The following SCFD2 variants were observed in gnomAD, a reference collection of about 807,000 sequenced individuals.
The protein encoded by SCFD2 is sec1 family domain-containing protein 2.
Under a neutral mutation model 58.9 loss-of-function variants are expected in SCFD2, and 54 were observed. That is an observed-to-expected ratio of 0.92 (90% CI 0.74 to 1.15). SCFD2 has a LOEUF of 1.15. SCFD2 is among the 50% of genes most tolerant of loss of function. The pLI is 0.00. For missense variants in SCFD2, 805 were observed against 836.6 expected (o/e 0.96, Z 0.47); for synonymous variants, 321 against 335.9 (o/e 0.96, Z 0.49).
intron 6 of SCFD2, 84 bp downstream of exon 6, chr4:52,920,641 T>C: frequency 9.6e-7 from 1 of 1,044,468 alleles, no homozygotes; most frequent in Non-Finnish European, 1.3e-6. Flanking sequence ...TTTAGGAAGG[T>C]TAAAAGGGAA....
intron 6 of SCFD2, among the ~76,000 whole-genome samples, 179 bp downstream of exon 6, chr4:52,920,546 T>A (rs964393716): frequency 1.1e-4 from 17 of 152,134 alleles, no homozygotes; most frequent in Admixed American, 3.3e-4. Context: ...GGGGCATAAA[T>A]GAATTGAGAG....
At chr4:53,141,234 A>G (rs1341043972) in intron 5 of SCFD2, among the ~76,000 whole-genome samples, 1 of 152,242 alleles carries the variant, frequency 6.6e-6, no homozygotes, top group Non-Finnish European at 1.5e-5. Context: ...ACACTCAGGT[A>G]TACTAATGAC....
intron 4 of SCFD2, among the ~76,000 whole-genome samples, chr4:53,176,969 G>GA (rs1727357558): frequency 6.8e-6 from 1 of 147,096 alleles, no homozygotes; most frequent in South Asian, 2.2e-4. Flanking sequence ...AAAAAAGAAA[G>GA]AAAAAAAAGA....
rs549894556 is a variant in SCFD2, at chr4:53,053,803, A to T, written c.1561+91530T>A. 9.8e-5 allele frequency among the ~76,000 whole-genome samples: 15 copies of T among 152,314 alleles called. No homozygotes were observed. The South Asian group carries it at 1.2e-3, about 13-fold the overall frequency. ...TTCCCTTCTATTTTCTTTTTAAAAA[A>T]TTTTAAATTAATACATAGTAGATGT... On this transcript the variant is annotated intron_variant, in intron 5 of 8. Coordinates refer to ENST00000401642, the MANE Select transcript of SCFD2 (RefSeq NM_152540.4).
chr4:53,251,684 C>A (rs535637498), intron 4 of SCFD2, among the ~76,000 whole-genome samples: 7 of 151,758 alleles, frequency 4.6e-5, no homozygotes, highest in Non-Finnish European at 7.4e-5. Flanking sequence ...AATTCAACAA[C>A]CCTTCATGCT....
chr4:53,112,191 A>G (rs1725191541), intron 5 of SCFD2, among the ~76,000 whole-genome samples: 1 of 152,138 alleles, frequency 6.6e-6, no homozygotes, highest in South Asian at 2.1e-4. Flanking sequence ...TGTCACTCAA[A>G]TGAAGCTTGA....
chr4:53,147,383 G>C (rs1443602171), intron 4 of SCFD2, among the ~76,000 whole-genome samples: 3 of 152,064 alleles, frequency 2.0e-5, no homozygotes, highest in Non-Finnish European at 4.4e-5. Context: ...GGAAAAATTT[G>C]GATAGATCAT....
At chr4:52,988,488 A>G (rs1721548290) in intron 5 of SCFD2, among the ~76,000 whole-genome samples, 1 of 152,182 alleles carries the variant, frequency 6.6e-6, no homozygotes, top group South Asian at 2.1e-4. Flanking sequence ...AAAGGCTTTA[A>G]GTTTGAGTGA....
intron 5 of SCFD2, among the ~76,000 whole-genome samples, chr4:52,954,580 C>A (rs1332326601): frequency 6.6e-6 from 1 of 152,128 alleles, no homozygotes; most frequent in African/African-American, 2.4e-5. Context: ...GCCACCTAAT[C>A]CACATGGGCA....
intron 5 of SCFD2, among the ~76,000 whole-genome samples, chr4:53,010,644 T>C (rs1476451452): frequency 6.6e-6 from 1 of 152,204 alleles, no homozygotes; most frequent in Non-Finnish European, 1.5e-5. Context: ...CTGAAACGAA[T>C]AAATCATTGA....
chr4:53,095,202 C>A (rs1289102088), intron 5 of SCFD2, among the ~76,000 whole-genome samples: 1 of 151,962 alleles, frequency 6.6e-6, no homozygotes, highest in East Asian at 1.9e-4. Flanking sequence ...TGCATTTTTG[C>A]CTTGGATGTT....
At chr4:52,936,413 C>G (rs931178949) in intron 5 of SCFD2, among the ~76,000 whole-genome samples, 1 of 152,128 alleles carries the variant, frequency 6.6e-6, no homozygotes, top group African/African-American at 2.4e-5. Context: ...GGGAAAAAAC[C>G]TGATATATTG....
chr4:53,285,080 G>C (rs574691311), intron 3 of SCFD2, among the ~76,000 whole-genome samples: 2 of 152,132 alleles, frequency 1.3e-5, no homozygotes, highest in South Asian at 2.1e-4. Flanking sequence ...CTATTTCAAG[G>C]CTACCATGGA....
intron 2 of SCFD2, among the ~76,000 whole-genome samples, chr4:53,328,543 TA>T (rs1246207754): frequency 3.9e-5 from 6 of 152,212 alleles, no homozygotes; most frequent in Non-Finnish European, 7.4e-5. Flanking sequence ...ACCCATTGAA[TA>T]AAATACGAAT....
At chr4:53,132,752 T>G (rs572405509) in intron 5 of SCFD2, among the ~76,000 whole-genome samples, 13 of 152,316 alleles carry the variant, frequency 8.5e-5, no homozygotes, top group African/African-American at 2.9e-4. Context: ...GTGATGGACG[T>G]GTAGAATCAG....
intron 5 of SCFD2, among the ~76,000 whole-genome samples, chr4:53,043,974 G>A (rs1291418068): frequency 6.6e-6 from 1 of 152,116 alleles, no homozygotes; most frequent in Non-Finnish European, 1.5e-5. Flanking sequence ...TAGCCCCGGA[G>A]TTCACTGTTC....
chr4:53,030,045 A>T (rs1453083619), intron 5 of SCFD2, among the ~76,000 whole-genome samples: 1 of 152,208 alleles, frequency 6.6e-6, no homozygotes, highest in Non-Finnish European at 1.5e-5. Context: ...AAAATGAAAA[A>T]CACAGTCTAG....
At chr4:53,192,375 T>C (rs896034249) in intron 4 of SCFD2, among the ~76,000 whole-genome samples, 5 of 152,246 alleles carry the variant, frequency 3.3e-5, no homozygotes, top group South Asian at 4.1e-4. Flanking sequence ...CATTAAACTC[T>C]TAACTCCTTC....
At chr4:52,970,952 G>A (rs1320493933) in intron 5 of SCFD2, among the ~76,000 whole-genome samples, 1 of 152,148 alleles carries the variant, frequency 6.6e-6, no homozygotes, top group East Asian at 1.9e-4. Flanking sequence ...CTGCAGCTGA[G>A]GGTCCTGACT....
Sources: allele counts gnomAD v4.1 joint callset (sites outside exome capture counted in the v4.1 genomes callset), GRCh38; gene constraint gnomAD v4.1.1; transcripts MANE v1.5; gene names NCBI Gene and HGNC (gene_info 2026-07-23, HGNC 2026-07-21).